The following TPX2 variants were observed in gnomAD, a reference collection of about 807,000 sequenced individuals.
TPX2 encodes targeting protein for Xklp2.
A neutral mutation model predicts 93.6 loss-of-function variants in TPX2; 21 were observed. That is an observed-to-expected ratio of 0.22 (90% CI 0.16 to 0.32). The LOEUF (loss-of-function observed/expected upper bound fraction) is 0.32. Ranked by LOEUF, TPX2 falls within the 10% of genes least tolerant of loss-of-function variation. The probability of loss-of-function intolerance (pLI) is 1.00; values close to 1 mark genes in which losing one functional copy is unlikely to be tolerated. For missense variants in TPX2, 776 were observed against 871.1 expected, an observed-to-expected ratio of 0.89 and a Z score of 1.37; for synonymous variants, 281 against 298.3, an observed-to-expected ratio of 0.94 and a Z score of 0.60.
intron 4 of TPX2, 23 bp from the exon 5 acceptor site, chr20:31,766,533 G>C (rs2061927458): frequency 1.3e-6 from 2 of 1,599,320 alleles, no homozygotes; most frequent in Non-Finnish European, 1.7e-6. Flanking sequence ...TTTGAGTGCT[G>C]ACTAGCTTTT....
At chr20:31,766,454 G>GGTGTGT (rs35700111) in intron 4 of TPX2, 102 bp from the exon 5 acceptor site, 9,856 of 719,890 alleles carry the variant, frequency 0.014, 198 homozygotes, top group African/African-American at 0.087. Flanking sequence ...GCTTAGACAG[G>GGTGTGT]GTGTGTGTGT....
At chr20:31,794,364 A>G (rs765973108) in intron 14 of TPX2, 38 bp from the exon 15 acceptor site, 48 of 1,600,314 alleles carry the variant, frequency 3.0e-5, no homozygotes, top group Non-Finnish European at 4.0e-5. Context: ...CTTTCCAGCT[A>G]GTCTTTATCT....
chr20:31,790,112 A>G (rs1240545573), intron 12 of TPX2, among the ~76,000 whole-genome samples: 2 of 152,186 alleles, frequency 1.3e-5, no homozygotes, highest in Admixed American at 1.3e-4. Flanking sequence ...CCACATGTCT[A>G]TAGAAGAGCA....
chr20:31,797,422 C>G lies in TPX2; in HGVS notation c.1852C>G (p.Gln618Glu). Reference protein sequence around the residue: ...WKHQLEEELRQQKEAACFKAR... With the variant: ...WKHQLEEELREQKEAACFKAR... ...CTAATAGCTGGAAGAAGAACTGAGA[C>G]AGCAGAAAGAAGCAGCTTGTTTCAA... Residue 618 changes from glutamine to glutamate, a missense_variant, in exon 16 of 18, where the codon CAG (glutamine) becomes GAG (glutamate). Gln to Glu is a conservative substitution (Grantham distance 29). This residue lies in a region of TPX2 where 461 missense variants were observed against 551.2 expected (regional missense o/e 0.84). Coordinates refer to ENST00000300403, the MANE Select transcript of TPX2 (RefSeq NM_012112.5). 6.2e-7 allele frequency: 1 copy of G among 1,614,086 alleles called. No homozygotes were observed.
rs763738869 is a variant in TPX2 at position 31,778,874 on chromosome 20, G to T, written c.944G>T (p.Arg315Ile). 1.2e-6 allele frequency: 2 copies of T among 1,612,126 alleles called. No individual in the cohort carries two copies. Among genetic ancestry groups the T allele is most frequent in the Non-Finnish European group, 1.7e-6 (2 of 1,179,494 alleles). Residue 315 changes from arginine to isoleucine, a missense_variant, in exon 10 of 18, where the codon AGA becomes ATA. Coordinates refer to ENST00000300403, the MANE Select transcript of TPX2 (RefSeq NM_012112.5). The stretch of plus-strand genomic sequence containing the variant: ...TTCAACCTGTCCCAAGGAAAGAAAA[G>T]AACATTTGATGAAACAGTTTCTACA... ...KPFNLSQGKK[R>I]TFDETVSTYV... is the part of the protein sequence containing the mutation.
At chr20:31,749,048 C>T (rs546322346) in intron 2 of TPX2, among the ~76,000 whole-genome samples, 1 of 151,866 alleles carries the variant, frequency 6.6e-6, no homozygotes, top group Admixed American at 6.6e-5. Flanking sequence ...TGGGTTCACG[C>T]CATTCTCCTG....
intron 15 of TPX2, among the ~76,000 whole-genome samples, chr20:31,797,195 T>A (rs552894739): frequency 6.6e-6 from 1 of 152,316 alleles, no homozygotes; most frequent in South Asian, 2.1e-4. Flanking sequence ...TAAAAGTATC[T>A]TAAAAATGCT....
chr20:31,749,990 T>A (rs1334584793), intron 2 of TPX2, among the ~76,000 whole-genome samples: 1 of 151,950 alleles, frequency 6.6e-6, no homozygotes, highest in Non-Finnish European at 1.5e-5. Context: ...CAGGCTGGAG[T>A]GCAGTGGCAC....
chr20:31,769,082 A>G (rs2061947191), intron 5 of TPX2, among the ~76,000 whole-genome samples: 2 of 152,182 alleles, frequency 1.3e-5, no homozygotes. Context: ...ACAGAAAAGA[A>G]TACTTGTAGT....
intron 12 of TPX2, among the ~76,000 whole-genome samples, chr20:31,790,421 G>A (rs376079427): frequency 4.3e-4 from 65 of 152,266 alleles, no homozygotes; most frequent in African/African-American, 1.5e-3. Flanking sequence ...ATCTTCACGT[G>A]TATTTTAAAC....
chr20:31,778,885 G>A lies in TPX2; in HGVS notation c.955G>A (p.Glu319Lys). The stretch of plus-strand genomic sequence containing the variant: ...CCAAGGAAAGAAAAGAACATTTGAT[G>A]AAACAGTTTCTACATATGTGCCCCT... Reference protein sequence around the residue: ...LSQGKKRTFDETVSTYVPLAQ... With the variant: ...LSQGKKRTFDKTVSTYVPLAQ... Residue 319 changes from glutamate to lysine, a missense_variant, in exon 10 of 18, where the codon GAA (glutamate) becomes AAA (lysine). Glu to Lys is a moderately conservative substitution (Grantham distance 56). Transcript: ENST00000300403. 1 of 1,612,798 alleles carries A rather than the reference G, an allele frequency of 6.2e-7. No individual in the cohort carries two copies. Among genetic ancestry groups the A allele is most frequent in the Non-Finnish European group, 8.5e-7 (1 of 1,179,702 alleles).
intron 2 of TPX2, among the ~76,000 whole-genome samples, chr20:31,747,437 T>A (rs1430605727): frequency 7.4e-6 from 1 of 134,640 alleles, no homozygotes; most frequent in Non-Finnish European, 1.7e-5. Context: ...TATCTCTATC[T>A]CTGTCTGTCT....
At chr20:31,787,984 A>G (rs988430064) in intron 12 of TPX2, among the ~76,000 whole-genome samples, 1 of 152,168 alleles carries the variant, frequency 6.6e-6, no homozygotes, top group East Asian at 1.9e-4. Context: ...TCATCTTTGA[A>G]TGGGAGGCAG....
Position 31,783,757 on chromosome 20 carries a change from A to C in TPX2, c.1249A>C (p.Ile417Leu), listed in dbSNP as rs143594885. The change falls in exon 12 of 18, where the codon ATC becomes CTC. Residue 417 changes from isoleucine to leucine, a missense_variant. Around this residue, in one of 3 missense-constraint regions of TPX2, gnomAD observed 461 missense variants for 551.2 expected, o/e 0.84. Transcript: ENST00000300403. ...TCCCAGAATACTTGAAGGTGGGCCC[A>C]TCTTGCCCAAGAAACCACCTGTGAA... Reference protein sequence around the residue: ...LDPRILEGGPILPKKPPVKPP... With the variant: ...LDPRILEGGPLLPKKPPVKPP... 6.2e-7 allele frequency: 1 copy of C among 1,613,556 alleles called. No homozygotes were observed. Among genetic ancestry groups the C allele is most frequent in the Non-Finnish European group, 8.5e-7 (1 of 1,179,828 alleles).
At chr20:31,781,249 A>AT (rs2062031408) in intron 10 of TPX2, among the ~76,000 whole-genome samples, 3 of 124,654 alleles carry the variant, frequency 2.4e-5, no homozygotes, top group Non-Finnish European at 4.9e-5. Flanking sequence ...GGAAGGCCTT[A>AT]TATCTTTTTT....
chr20:31,801,513 G>T lies in TPX2; in HGVS notation c.*433G>T, dbSNP rs992706769. The T allele has an allele frequency of 6.5e-6, 1 of 154,726 alleles. No individual in the cohort carries two copies. The allele number at this position is 154,726 out of a possible 1,614,324, so 9.6% of individuals were successfully genotyped here. On this transcript the variant is annotated 3_prime_UTR_variant, in exon 18 of 18. Transcript: ENST00000300403. ...ATCCTAAGATAGAGATTAAGTCATGGTTTAAATGAGGAACAATCAGTAAAT... is the reference window on the plus strand; with the variant it reads ...ATCCTAAGATAGAGATTAAGTCATGTTTTAAATGAGGAACAATCAGTAAAT...
intron 14 of TPX2, 70 bp from the exon 15 acceptor site, chr20:31,794,332 A>G: frequency 6.4e-7 from 1 of 1,551,994 alleles, no homozygotes; most frequent in Non-Finnish European, 8.7e-7. Context: ...AGATTCTTCC[A>G]GATATTCTGG....
chr20:31,768,149 G>T (rs2123016684), intron 5 of TPX2, among the ~76,000 whole-genome samples: 2 of 151,326 alleles, frequency 1.3e-5, no homozygotes, highest in Admixed American at 1.3e-4. Flanking sequence ...GTCCAGGCTG[G>T]TCTTGATCTC....
At chr20:31,768,019 C>A (rs1183224483) in intron 5 of TPX2, among the ~76,000 whole-genome samples, 3 of 151,786 alleles carry the variant, frequency 2.0e-5, no homozygotes, top group Non-Finnish European at 4.4e-5. Context: ...GCAGCCTCGA[C>A]CTCTCAGGTG....
Sources: allele counts gnomAD v4.1 joint callset (sites outside exome capture counted in the v4.1 genomes callset), GRCh38; gene constraint gnomAD v4.1.1; regional missense constraint gnomAD v4.1.1; transcripts MANE v1.5; gene names NCBI Gene and HGNC (gene_info 2026-07-23, HGNC 2026-07-21).